Variants in RNF220 observed in about 807,000 individuals in gnomAD.
RNF220 encodes the protein ring finger protein 220.
In RNF220, 7 loss-of-function variants were observed where a neutral mutation model predicts 67.1. The observed-to-expected ratio is 0.10, with a 90% CI of 0.06 to 0.20. The LOEUF is 0.20. Ranked by LOEUF, RNF220 falls within the 10% of genes least tolerant of loss-of-function variation. RNF220 has a pLI of 1.00. For missense variants in RNF220, 565 were observed against 740.3 expected, an observed-to-expected ratio of 0.76 and a Z score of 2.75; for synonymous variants, 270 against 283.2, an observed-to-expected ratio of 0.95 and a Z score of 0.47.
Position 44,645,294 on chromosome 1 carries a change from T to A in RNF220, c.1366+18T>A. ...CAGTGATGGTAAGTCCTGCCCCAGG[T>A]TAGGAGTAATGGGGGAGAGGGGGTA... On this transcript the variant is annotated intron_variant, in intron 11 of 14. Transcript: ENST00000361799. The surrounding 1 kb of genome is among the most constrained non-coding windows in gnomAD (Gnocchi z 5.0). The A allele has an allele frequency of 6.2e-7, 1 of 1,613,722 alleles. No homozygotes were observed.
chr1:44,579,113 G>A (rs1192053430), intron 2 of RNF220, among the ~76,000 whole-genome samples: 3 of 150,954 alleles, frequency 2.0e-5, no homozygotes, highest in Admixed American at 6.6e-5. Flanking sequence ...CCGAGATCAC[G>A]CCACTGCACT....
rs1644771184 is a variant in RNF220 at position 44,650,772 on chromosome 1, G to A, written c.1698G>A (p.Leu566=). The A allele has an allele frequency of 1.2e-6, 2 of 1,613,428 alleles. No homozygotes were observed. The highest frequency in any genetic ancestry group is 3.3e-5 in the Admixed American group (2 of 59,998). ...TAPGDLRRIY[L] is the part of the protein sequence containing the mutation. ...CCGGAGACCTGCGGAGGATCTACTT[G>A]TGAGCTATCTGCCCCAGGCAGGCCT... is the stretch of plus-strand genomic sequence containing the variant. The change falls in exon 15 of 15, where the codon TTG becomes TTA. Residue 566 remains leucine (L), a synonymous_variant. Coordinates refer to ENST00000361799, the MANE Select transcript of RNF220 (RefSeq NM_018150.4). This position sits in a 1 kb window ranked among gnomAD's most constrained non-coding sequence, Gnocchi z 4.3.
At chr1:44,458,536 G>A (rs1016360773) in intron 2 of RNF220, among the ~76,000 whole-genome samples, 4 of 151,982 alleles carry the variant, frequency 2.6e-5, no homozygotes, top group African/African-American at 9.7e-5. Context: ...TTAATATACT[G>A]CCTGATACAT....
At chr1:44,470,929 C>T (rs1654747699) in intron 2 of RNF220, among the ~76,000 whole-genome samples, 2 of 152,096 alleles carry the variant, frequency 1.3e-5, no homozygotes, top group South Asian at 4.1e-4. Context: ...TTCTCCGCTT[C>T]TTTATCTCCC....
At position 44,489,425 on chromosome 1, in the gene RNF220, G is replaced by C. The variant is rs1012697302; in HGVS notation, c.625+76703G>C. ...GCTGTCTTGGGAGTTCAGAGGAAAG[G>C]GAGATGGCTTTCAGCTGGGAGCTCC... On this transcript the variant is annotated intron_variant, in intron 2 of 14. Coordinates refer to ENST00000361799, the MANE Select transcript of RNF220 (RefSeq NM_018150.4). 4.1e-4 allele frequency among the ~76,000 whole-genome samples: 63 copies of C among 152,200 alleles called. 2 individuals carry two copies. Among genetic ancestry groups the C allele is most frequent in the South Asian group, 4.1e-4 (2 of 4,832 alleles).
intron 2 of RNF220, among the ~76,000 whole-genome samples, chr1:44,480,611 G>A (rs1655710992): frequency 6.6e-6 from 1 of 152,108 alleles, no homozygotes; most frequent in Admixed American, 6.5e-5. Flanking sequence ...TGTTTTAAAA[G>A]AGAAAATGGG....
chr1:44,426,840 T>C (rs2147854032), intron 2 of RNF220, among the ~76,000 whole-genome samples: 1 of 152,330 alleles, frequency 6.6e-6, no homozygotes, highest in South Asian at 2.1e-4. Context: ...AGATCTTAAT[T>C]AACAAGTTCC....
chr1:44,632,403 C>CCAA lies in RNF220; in HGVS notation c.949+19_949+20insAAC, dbSNP rs1644177115. 1.9e-6 allele frequency: 3 copies of CCAA among 1,604,556 alleles called. No individual in the cohort carries two copies. The highest frequency in any genetic ancestry group is 1.1e-5 in the South Asian group (1 of 90,728). On this transcript the variant is annotated intron_variant, in intron 6 of 14. Coordinates refer to ENST00000361799, the MANE Select transcript of RNF220 (RefSeq NM_018150.4). ...ACTGAATGGTGAGTCCTGCCCGGCCCCTCCCTCCGCCCCACCCCCGGCCTC... is the reference window on the plus strand; with the variant it reads ...ACTGAATGGTGAGTCCTGCCCGGCCCCAACTCCCTCCGCCCCACCCCCGGCCTC...
At chr1:44,556,000 G>A (rs1257248895) in intron 2 of RNF220, among the ~76,000 whole-genome samples, 1 of 149,570 alleles carries the variant, frequency 6.7e-6, no homozygotes, top group East Asian at 2.0e-4. Flanking sequence ...CTAATTATCT[G>A]TCCACATGTT....
At chr1:44,617,530 C>T (rs1012481897) in intron 3 of RNF220, among the ~76,000 whole-genome samples, 8 of 152,266 alleles carry the variant, frequency 5.3e-5, no homozygotes, top group Admixed American at 5.2e-4. Context: ...CGTGTCAGCT[C>T]CCTCCGGGCT....
intron 7 of RNF220, 125 bp downstream of exon 7, chr1:44,635,713 C>G (rs190078451): frequency 2.6e-6 from 4 of 1,530,208 alleles, no homozygotes; most frequent in Middle Eastern, 3.7e-4. Flanking sequence ...TCCCTTCCCC[C>G]GACACTAGCT....
rs779416915 is a variant in RNF220, at chr1:44,625,834, A to G, written c.805-463A>G. On this transcript the variant is annotated intron_variant, in intron 4 of 14. Coordinates refer to ENST00000361799, the MANE Select transcript of RNF220 (RefSeq NM_018150.4). Reference sequence around the variant, plus strand: ...AGCACCGGGATAAATGGACCCACATACATCCCTAGCTGCACGTGGGAAACT... The same window carrying G: ...AGCACCGGGATAAATGGACCCACATGCATCCCTAGCTGCACGTGGGAAACT... Among the ~76,000 whole-genome samples, 15 of 151,944 alleles carry G rather than the reference A, an allele frequency of 9.9e-5. 1 individual carries two copies. Among genetic ancestry groups the G allele is most frequent in the Non-Finnish European group, 1.8e-4 (12 of 67,994 alleles).
intron 2 of RNF220, among the ~76,000 whole-genome samples, chr1:44,505,744 C>T (rs1294897147): frequency 6.6e-6 from 1 of 152,188 alleles, no homozygotes; most frequent in Non-Finnish European, 1.5e-5. Context: ...GTCCCTTAAG[C>T]CAGCGTAACA....
At chr1:44,635,503 C>T (rs184735218) in intron 6 of RNF220, 42 bp from the exon 7 acceptor site, 18 of 1,604,698 alleles carry the variant, frequency 1.1e-5, no homozygotes, top group African/African-American at 5.3e-5. Context: ...CTGCAGTGAC[C>T]GTCTGCTTGT....
intron 5 of RNF220, 113 bp from the exon 6 acceptor site, chr1:44,632,230 T>C: frequency 6.2e-7 from 1 of 1,612,686 alleles, no homozygotes; most frequent in Non-Finnish European, 8.5e-7. Flanking sequence ...TACGGGCTGT[T>C]TGGGGCGGAG....
At position 44,483,229 on chromosome 1, in the gene RNF220, C is replaced by T. The variant is rs114199853; in HGVS notation, c.625+70507C>T. On this transcript the variant is annotated intron_variant, in intron 2 of 14. Coordinates refer to ENST00000361799, the MANE Select transcript of RNF220 (RefSeq NM_018150.4). ...TGCAGGCATGAACTACCATGCCCAG[C>T]CCAAGCATAGTATTAATACACACCT... 8.6e-3 allele frequency among the ~76,000 whole-genome samples: 1,305 copies of T among 152,206 alleles called. 16 individuals carry two copies. Among genetic ancestry groups the T allele is most frequent in the African/African-American group, 0.03 (1,234 of 41,512 alleles).
intron 2 of RNF220, among the ~76,000 whole-genome samples, chr1:44,550,685 C>T (rs1237982305): frequency 6.6e-6 from 1 of 152,160 alleles, no homozygotes. Context: ...TTATCCCAGC[C>T]TGAGGTTGAG....
chr1:44,535,216 C>T (rs1252506642), intron 2 of RNF220, among the ~76,000 whole-genome samples: 1 of 149,614 alleles, frequency 6.7e-6, no homozygotes, highest in African/African-American at 2.5e-5. Context: ...TTTCAGCTCA[C>T]CGCAACCTCT....
intron 2 of RNF220, among the ~76,000 whole-genome samples, chr1:44,603,391 CCAGGCCAGCAGGGCCTGGGG>C (rs1667065601): frequency 1.3e-5 from 2 of 152,212 alleles, no homozygotes; most frequent in African/African-American, 2.4e-5. Context: ...CTACGGTGGG[CCAGGCCAGCAGGGCCTGGGG>C]CAGGCCAGAG....
Sources: gnomAD v4.1 joint callset for allele counts (sites outside exome capture counted in the v4.1 genomes callset) on GRCh38, gnomAD v4.1.1 for gene constraint, Gnocchi (gnomAD v3.1) non-coding constraint, MANE v1.5 for transcripts, NCBI Gene and HGNC (gene_info 2026-07-23, HGNC 2026-07-21) for gene names.